RAB31: variants seen among roughly 807,000 people sequenced by gnomAD.
RAB31 encodes the protein RAB31, member RAS oncogene family.
Under a neutral mutation model 25.6 loss-of-function variants are expected in RAB31, and 21 were observed. That is an observed-to-expected ratio of 0.82 (90% CI 0.58 to 1.18). The LOEUF (loss-of-function observed/expected upper bound fraction) is 1.18, where lower values mean the gene tolerates loss of function less well. Among genes scored for constraint, RAB31 ranks in the 50% most tolerant of loss-of-function variants. The probability of loss-of-function intolerance (pLI) is 0.00; values close to 1 mark genes in which losing one functional copy is unlikely to be tolerated. For missense variants in RAB31, 196 were observed against 250.1 expected (o/e 0.78, Z 1.46); for synonymous variants, 87 against 84.0 (o/e 1.04, Z -0.20).
chr18:9,789,274 A>T (rs1184977822), intron 2 of RAB31, among the ~76,000 whole-genome samples: 1 of 152,218 alleles, frequency 6.6e-6, no homozygotes, highest in Non-Finnish European at 1.5e-5. Context: ...ACAGTTACAA[A>T]GTTATAGCTA....
chr18:9,734,690 G>A (rs145159728), intron 1 of RAB31, among the ~76,000 whole-genome samples: 1 of 152,214 alleles, frequency 6.6e-6, no homozygotes, highest in African/African-American at 2.4e-5. Context: ...GGAAGGACTC[G>A]AGTCTCTGGC....
intron 5 of RAB31, among the ~76,000 whole-genome samples, chr18:9,834,407 T>G (rs1196057541): frequency 6.6e-6 from 1 of 152,182 alleles, no homozygotes; most frequent in Non-Finnish European, 1.5e-5. Context: ...TGAGCCACTG[T>G]GCCCAGCCCA....
chr18:9,851,305 G>C (rs2068788291), intron 6 of RAB31, among the ~76,000 whole-genome samples: 1 of 152,172 alleles, frequency 6.6e-6, no homozygotes, highest in African/African-American at 2.4e-5. Flanking sequence ...GGCAAGTTGG[G>C]TCTCAAAAGG....
At chr18:9,751,275 A>G (rs922626778) in intron 1 of RAB31, among the ~76,000 whole-genome samples, 1 of 152,150 alleles carries the variant, frequency 6.6e-6, no homozygotes, top group African/African-American at 2.4e-5. Context: ...TCCTGGGCCT[A>G]AGTGATCCTC....
At chr18:9,727,475 T>G (rs532555713) in intron 1 of RAB31, among the ~76,000 whole-genome samples, 1 of 152,222 alleles carries the variant, frequency 6.6e-6, no homozygotes, top group South Asian at 2.1e-4. Context: ...CCAGCACACT[T>G]GGCTAATTTT....
At chr18:9,764,756 T>C (rs565265966) in intron 1 of RAB31, among the ~76,000 whole-genome samples, 2 of 152,322 alleles carry the variant, frequency 1.3e-5, no homozygotes, top group South Asian at 2.1e-4. Flanking sequence ...TCTGATTCTT[T>C]CATGGAGGGA....
chr18:9,732,589 C>T lies in RAB31; in HGVS notation c.39+24145C>T, dbSNP rs554327655. 2.3e-4 allele frequency among the ~76,000 whole-genome samples: 35 copies of T among 152,342 alleles called. 1 individual carries two copies. The highest frequency in any genetic ancestry group is 5.5e-4 in the African/African-American group (23 of 41,578). On this transcript the variant is annotated intron_variant, in intron 1 of 6. Coordinates refer to ENST00000578921, the MANE Select transcript of RAB31 (RefSeq NM_006868.4). ...CAGAGCCCATGCTCTCCACCACAGC[C>T]GTGTCTCCAACCTCTCCCTAGTGCT... is the stretch of plus-strand genomic sequence containing the variant.
At chr18:9,808,486 T>C (rs1260386207) in intron 3 of RAB31, among the ~76,000 whole-genome samples, 2 of 152,214 alleles carry the variant, frequency 1.3e-5, no homozygotes, top group Non-Finnish European at 2.9e-5. Flanking sequence ...AGAGGGTCTA[T>C]GTAAAAGTCG....
chr18:9,728,959 A>G (rs919349638), intron 1 of RAB31, among the ~76,000 whole-genome samples: 1 of 152,172 alleles, frequency 6.6e-6, no homozygotes, highest in Admixed American at 6.5e-5. Context: ...TTGACTGACT[A>G]TATTTTTCTG....
intron 2 of RAB31, among the ~76,000 whole-genome samples, chr18:9,777,044 T>A (rs7228583): frequency 0.55 from 83,172 of 151,930 alleles, 23,052 homozygotes; most frequent in African/African-American, 0.63. Flanking sequence ...TTGCAAAATT[T>A]AAAAAAATAT....
chr18:9,794,590 G>A (rs537572657), intron 3 of RAB31, among the ~76,000 whole-genome samples: 2 of 152,298 alleles, frequency 1.3e-5, no homozygotes, highest in South Asian at 4.1e-4. Flanking sequence ...GCTGAGATGA[G>A]TGGATCATGA....
intron 3 of RAB31, among the ~76,000 whole-genome samples, chr18:9,793,640 C>T (rs1350582794): frequency 1.3e-5 from 2 of 150,740 alleles, no homozygotes; most frequent in South Asian, 2.1e-4. Flanking sequence ...GCAGCCTGGG[C>T]GACAGAGTGA....
At position 9,770,406 on chromosome 18, in the gene RAB31, A is replaced by G. The variant is rs551519836; in HGVS notation, c.40-4872A>G. Among the ~76,000 whole-genome samples, 7 of 152,324 alleles carry G rather than the reference A, an allele frequency of 4.6e-5. No individual in the cohort carries two copies. The South Asian group carries it at 1.4e-3, about 32-fold the overall frequency. ...GGTGGTGCCTAGCGTTTTGTGTGGC[A>G]GCAGCCAAAACTTTGTGGTTCCTGA... is the stretch of plus-strand genomic sequence containing the variant. On this transcript the variant is annotated intron_variant, in intron 1 of 6. Coordinates refer to ENST00000578921, the MANE Select transcript of RAB31 (RefSeq NM_006868.4).
intron 5 of RAB31, among the ~76,000 whole-genome samples, chr18:9,837,970 C>G (rs1246945730): frequency 6.6e-6 from 1 of 152,194 alleles, no homozygotes; most frequent in African/African-American, 2.4e-5. Flanking sequence ...CTACTCGCAT[C>G]ATTTCCTCAG....
At chr18:9,803,317 C>T (rs917628854) in intron 3 of RAB31, among the ~76,000 whole-genome samples, 1 of 151,392 alleles carries the variant, frequency 6.6e-6, no homozygotes, top group African/African-American at 2.4e-5. Flanking sequence ...CTCACTGCAG[C>T]CTTGACCTCC....
intron 1 of RAB31, among the ~76,000 whole-genome samples, chr18:9,728,886 A>G (rs2068108407): frequency 6.6e-6 from 1 of 152,226 alleles, no homozygotes; most frequent in Non-Finnish European, 1.5e-5. Context: ...TAGATTAAAA[A>G]TGATAATCTA....
chr18:9,859,219 T>C lies in RAB31; in HGVS notation c.491-9T>C, dbSNP rs1256419399. 1 of 1,609,086 alleles carries C rather than the reference T, an allele frequency of 6.2e-7. No homozygotes were observed. Among genetic ancestry groups the C allele is most frequent in the Non-Finnish European group, 8.5e-7 (1 of 1,175,522 alleles). ...AGGGAACTCACCCTTGGCCTCCTTT[T>C]TGTTGCAGGCCGCCAGATCCCACCC... On this transcript the variant is annotated splice_polypyrimidine_tract_variant and intron_variant, in intron 6 of 6. Transcript: ENST00000578921.
Position 9,708,477 on chromosome 18 carries a change from C to T in RAB31, c.39+33C>T, listed in dbSNP as rs1405195081. 4 of 1,539,786 alleles carry T rather than the reference C, an allele frequency of 2.6e-6. No homozygotes were observed. The highest frequency in any genetic ancestry group is 3.5e-6 in the Non-Finnish European group (4 of 1,143,616). On this transcript the variant is annotated intron_variant, in intron 1 of 6. Coordinates refer to ENST00000578921, the MANE Select transcript of RAB31 (RefSeq NM_006868.4). This position sits in a 1 kb window ranked among gnomAD's most constrained non-coding sequence, Gnocchi z 6.4. ...CTGGCCGCCACCCGCCGGCGGACCC[C>T]GGCCCGCGCTCTCGCGCCCCTTCGC...
At chr18:9,810,202 G>A (rs746786349) in intron 3 of RAB31, among the ~76,000 whole-genome samples, 5 of 152,200 alleles carry the variant, frequency 3.3e-5, no homozygotes, top group Non-Finnish European at 5.9e-5. Flanking sequence ...TTTTGAATTG[G>A]CATCTGTTGT....
Sources: gnomAD v4.1 joint callset for allele counts (sites outside exome capture counted in the v4.1 genomes callset) on GRCh38, gnomAD v4.1.1 for gene constraint, Gnocchi (gnomAD v3.1) non-coding constraint, MANE v1.5 for transcripts, NCBI Gene and HGNC (gene_info 2026-07-23, HGNC 2026-07-21) for gene names.